Variants in SLC35F4 observed in about 807,000 individuals in gnomAD.
SLC35F4 encodes chromosome 14 open reading frame 36.
In SLC35F4, 24 loss-of-function variants were observed where a neutral mutation model predicts 44.2. That is an observed-to-expected ratio of 0.54 (90% CI 0.39 to 0.76). The LOEUF is 0.76. SLC35F4 is among the 30% of genes least tolerant of loss of function. The probability of loss-of-function intolerance (pLI) is 0.00; values close to 1 mark genes in which losing one functional copy is unlikely to be tolerated. For synonymous variants in SLC35F4, 238 were observed against 223.6 expected (o/e 1.06, Z -0.57); for missense variants, 562 against 586.1 (o/e 0.96, Z 0.42).
At chr14:57,737,304 T>TATAG (rs2076491574) in intron 1 of SLC35F4, among the ~76,000 whole-genome samples, 1 of 152,040 alleles carries the variant, frequency 6.6e-6, no homozygotes, top group African/African-American at 2.4e-5. Flanking sequence ...ATATCACCCC[T>TATAG]ATAGATCTCT....
At chr14:57,782,839 G>A (rs1476652994) in intron 1 of SLC35F4, among the ~76,000 whole-genome samples, 1 of 152,162 alleles carries the variant, frequency 6.6e-6, no homozygotes. Context: ...TAGTGATGCT[G>A]GAAGTGCTCC....
chr14:57,777,434 A>G (rs1269111977), intron 1 of SLC35F4, among the ~76,000 whole-genome samples: 1 of 152,236 alleles, frequency 6.6e-6, no homozygotes. Context: ...ACACCATGGA[A>G]TACTATGCAG....
At chr14:57,765,088 G>A (rs1369292863) in intron 1 of SLC35F4, among the ~76,000 whole-genome samples, 1 of 152,182 alleles carries the variant, frequency 6.6e-6, no homozygotes, top group Non-Finnish European at 1.5e-5. Context: ...AACTCAGGAA[G>A]TATATAATCT....
intron 1 of SLC35F4, among the ~76,000 whole-genome samples, chr14:57,943,829 C>G (rs1011581874): frequency 6.6e-6 from 1 of 152,216 alleles, no homozygotes; most frequent in Non-Finnish European, 1.5e-5. Context: ...CAGGAAGTCA[C>G]TCTGCATCAT....
upstream of SLC35F4, among the ~76,000 whole-genome samples, chr14:57,869,679 A>G (rs1360506629): frequency 6.6e-6 from 1 of 152,252 alleles, no homozygotes; most frequent in Admixed American, 6.5e-5. Flanking sequence ...GTTACTTTGT[A>G]CAAACACCAG....
At chr14:57,897,402 G>C (rs1200803515) in intron 1 of SLC35F4, among the ~76,000 whole-genome samples, 1 of 151,938 alleles carries the variant, frequency 6.6e-6, no homozygotes, top group Non-Finnish European at 1.5e-5. Flanking sequence ...CATAAAACAA[G>C]AAGAACCAAA....
intron 1 of SLC35F4, among the ~76,000 whole-genome samples, chr14:57,619,910 G>A (rs1403132563): frequency 3.9e-5 from 6 of 151,918 alleles, no homozygotes. Flanking sequence ...AGTATCAACA[G>A]CCGAATCAAT....
chr14:57,833,536 T>C (rs977305103), intron 1 of SLC35F4, among the ~76,000 whole-genome samples: 1 of 152,100 alleles, frequency 6.6e-6, no homozygotes, highest in Admixed American at 6.6e-5. Context: ...CTGGGAGACA[T>C]TCACTTCAAA....
At chr14:57,905,170 G>A (rs1378768801) in intron 1 of SLC35F4, among the ~76,000 whole-genome samples, 2 of 152,158 alleles carry the variant, frequency 1.3e-5, no homozygotes, top group African/African-American at 4.8e-5. Flanking sequence ...GATCTGCTAC[G>A]AAGGTGACTC....
intron 1 of SLC35F4, among the ~76,000 whole-genome samples, chr14:57,755,782 C>T (rs1426661191): frequency 6.6e-6 from 1 of 152,182 alleles, no homozygotes; most frequent in African/African-American, 2.4e-5. Flanking sequence ...CACAATGATC[C>T]CGCAAGGCAG....
intron 1 of SLC35F4, among the ~76,000 whole-genome samples, chr14:57,699,768 T>G (rs900081283): frequency 6.6e-6 from 1 of 152,162 alleles, no homozygotes; most frequent in African/African-American, 2.4e-5. Flanking sequence ...TAAGGACACA[T>G]AGACCCAGGG....
chr14:57,741,787 T>G (rs969861101), intron 1 of SLC35F4, among the ~76,000 whole-genome samples: 2 of 152,016 alleles, frequency 1.3e-5, no homozygotes, highest in African/African-American at 4.8e-5. Context: ...TTCACCAAAG[T>G]TGAAACGAAG....
At position 57,564,152 on chromosome 14, in the gene SLC35F4, A is replaced by T. The variant is rs749428695; in HGVS notation, c.1441T>A (p.Ser481Thr). 2 of 1,613,734 alleles carry T rather than the reference A, an allele frequency of 1.2e-6. No homozygotes were observed. Among genetic ancestry groups the T allele is most frequent in the South Asian group, 2.2e-5 (2 of 91,052 alleles). ...RGRGRANGTV[S>T]IPLA is the part of the protein sequence containing the mutation. ...GTCCCTCTCTAAGCCAGTGGTATAG[A>T]CACTGTCCCATTGGCTCTGCCTCTG... Residue 481 changes from serine (S) to threonine (T), a missense_variant, in exon 8 of 8, where the codon TCT (serine) becomes ACT (threonine). Physicochemically the swap from Ser to Thr is moderately conservative, Grantham distance 58. Transcript: ENST00000556826.
At chr14:57,742,744 C>T (rs1277525641) in intron 1 of SLC35F4, among the ~76,000 whole-genome samples, 1 of 152,206 alleles carries the variant, frequency 6.6e-6, no homozygotes, top group Non-Finnish European at 1.5e-5. Flanking sequence ...CTACAGAACT[C>T]TCCACCCCAA....
chr14:57,936,066 A>G (rs1285284219), intron 1 of SLC35F4, among the ~76,000 whole-genome samples: 1 of 152,188 alleles, frequency 6.6e-6, no homozygotes, highest in Non-Finnish European at 1.5e-5. Context: ...ACAGACCTCA[A>G]TTTAAGCCTT....
chr14:57,930,572 G>A (rs1330714304), intron 1 of SLC35F4, among the ~76,000 whole-genome samples: 1 of 151,962 alleles, frequency 6.6e-6, no homozygotes, highest in Non-Finnish European at 1.5e-5. Context: ...CAGCTTATTG[G>A]GAAAACCCAG....
chr14:57,797,486 C>T (rs2078080963), intron 1 of SLC35F4, among the ~76,000 whole-genome samples: 1 of 152,186 alleles, frequency 6.6e-6, no homozygotes, highest in African/African-American at 2.4e-5. Flanking sequence ...GCTGTGTATT[C>T]TTCTGCCAGT....
At chr14:57,618,337 T>G (rs1233189690) in intron 1 of SLC35F4, among the ~76,000 whole-genome samples, 1 of 152,182 alleles carries the variant, frequency 6.6e-6, no homozygotes, top group Admixed American at 6.5e-5. Context: ...CTGAGGTACC[T>G]GGTTCATCTC....
intron 1 of SLC35F4, among the ~76,000 whole-genome samples, chr14:57,604,887 A>C (rs1209951608): frequency 6.6e-6 from 1 of 152,168 alleles, no homozygotes; most frequent in Admixed American, 6.5e-5. Flanking sequence ...ATGGTGCTAG[A>C]ATAACTGGCT....
Sources: allele counts gnomAD v4.1 joint callset (sites outside exome capture counted in the v4.1 genomes callset), GRCh38; gene constraint gnomAD v4.1.1; transcripts MANE v1.5; gene names NCBI Gene and HGNC (gene_info 2026-07-23, HGNC 2026-07-21).